The following BAP1 variants were observed in gnomAD, a reference collection of about 807,000 sequenced individuals.
BAP1 encodes ubiquitin carboxyl-terminal hydrolase BAP1.
Under a neutral mutation model 77.2 loss-of-function variants are expected in BAP1, and 16 were observed. That is an observed-to-expected ratio of 0.21 (90% CI 0.14 to 0.31). The LOEUF (loss-of-function observed/expected upper bound fraction) is 0.31. Ranked by LOEUF, BAP1 falls within the 10% of genes least tolerant of loss-of-function variation. BAP1 has a pLI of 1.00. For synonymous variants in BAP1, 362 were observed against 385.2 expected (o/e 0.94, Z 0.71); for missense variants, 699 against 967.3 (o/e 0.72, Z 3.68).
At position 52,403,631 on chromosome 3, in the gene BAP1, G is replaced by A. The variant is rs1322319973; in HGVS notation, c.1514C>T (p.Ser505Leu). 1.9e-6 allele frequency: 3 copies of A among 1,614,024 alleles called. No individual in the cohort carries two copies. The highest frequency in any genetic ancestry group is 1.7e-5 in the Admixed American group (1 of 60,016). Residue 505 changes from serine to leucine, a missense_variant, in exon 13 of 17, where the codon TCG becomes TTG. By Grantham distance (145) the Ser-to-Leu change is moderately radical (BLOSUM62 -2). Around this residue, in one of 3 missense-constraint regions of BAP1, gnomAD observed 475 missense variants for 532.4 expected, o/e 0.89. Transcript: ENST00000460680. The surrounding 1 kb of genome is among the most constrained non-coding windows in gnomAD (Gnocchi z 4.0). ...TASEIGSAFN[S>L]PLRSPIRSAN... is the part of the protein sequence containing the mutation. ...TGAGCGGATAGGCGAGCGCAGTGGCGAGTTGAAAGCACTGCCGATCTCAGA... is the reference window on the plus strand; with the variant it reads ...TGAGCGGATAGGCGAGCGCAGTGGCAAGTTGAAAGCACTGCCGATCTCAGA...
In BAP1 at chr3:52,405,279, GCCT is replaced by G; in HGVS notation, c.944_946del (p.Glu315del). On this transcript the variant is annotated inframe_deletion, in exon 11 of 17. Coordinates refer to ENST00000460680, the MANE Select transcript of BAP1 (RefSeq NM_004656.4). ...TGGGGCTTGTGCGCATGAACCAGCC[GCCT>G]CCTCTGCACCATCTGAGACAGGGCA... 1 of 1,613,664 alleles carries G rather than the reference GCCT, an allele frequency of 6.2e-7. No individual in the cohort carries two copies. The highest frequency in any genetic ancestry group is 8.5e-7 in the Non-Finnish European group (1 of 1,180,000).
In BAP1 at chr3:52,406,017, C is replaced by T. The variant is rs1705145442; in HGVS notation, c.784-105G>A. 6.5e-7 allele frequency: 1 copy of T among 1,549,512 alleles called. No homozygotes were observed. The highest frequency in any genetic ancestry group is 8.8e-7 in the Non-Finnish European group (1 of 1,138,706). ...AAGGAATAATGGCCTTGGCTCTACC[C>T]ATTCACTCACAGGGAAATAAAACAC... On this transcript the variant is annotated intron_variant, in intron 9 of 16. Transcript: ENST00000460680. This position sits in a 1 kb window ranked among gnomAD's most constrained non-coding sequence, Gnocchi z 4.6.
Position 52,403,704 on chromosome 3 carries a change from G to A in BAP1, c.1441C>T (p.His481Tyr), listed in dbSNP as rs764816701. The change falls in exon 13 of 17, where the codon CAC becomes TAC. Residue 481 changes from histidine (H) to tyrosine (Y), a missense_variant. His to Tyr is a moderately conservative substitution (Grantham distance 83). Around this residue, in one of 3 missense-constraint regions of BAP1, gnomAD observed 475 missense variants for 532.4 expected, o/e 0.89. Coordinates refer to ENST00000460680, the MANE Select transcript of BAP1 (RefSeq NM_004656.4). The surrounding 1 kb of genome is among the most constrained non-coding windows in gnomAD (Gnocchi z 4.0). Reference protein sequence around the residue: ...AGSPAVAVPTHSQPSPTPSNE... With the variant: ...AGSPAVAVPTYSQPSPTPSNE... The stretch of plus-strand genomic sequence containing the variant: ...CTGGGGGTGGGTGAGGGCTGCGAGT[G>A]TGTGGGCACTGCCACAGCCGGACTC... 4 of 1,614,052 alleles carry A rather than the reference G, an allele frequency of 2.5e-6. No individual in the cohort carries two copies. Among genetic ancestry groups the A allele is most frequent in the Non-Finnish European group, 3.4e-6 (4 of 1,180,002 alleles).
In BAP1 at chr3:52,403,569, G is replaced by T. The variant is rs1553644875; in HGVS notation, c.1576C>A (p.His526Asn). The T allele has an allele frequency of 1.2e-6, 2 of 1,614,022 alleles. No homozygotes were observed. Among genetic ancestry groups the T allele is most frequent in the African/African-American group, 2.7e-5 (2 of 74,944 alleles). The change falls in exon 13 of 17, where the codon CAC becomes AAC. Residue 526 changes from histidine to asparagine, a missense_variant. Transcript: ENST00000460680. This position sits in a 1 kb window ranked among gnomAD's most constrained non-coding sequence, Gnocchi z 4.0. ...PTRPSSPVTS[H>N]ISKVLFGEDD... ...TCTCCAAAAAGCACCTTGGAGATGTGGGAGGTGACAGGGCTGGAGGGCCGC... is the reference window on the plus strand; with the variant it reads ...TCTCCAAAAAGCACCTTGGAGATGTTGGAGGTGACAGGGCTGGAGGGCCGC...
At position 52,407,479 on chromosome 3, in the gene BAP1, G is replaced by T. The variant is rs775474716; in HGVS notation, c.376-19C>A. On this transcript the variant is annotated intron_variant, in intron 5 of 16. Coordinates refer to ENST00000460680, the MANE Select transcript of BAP1 (RefSeq NM_004656.4). ...CTTTGCTCTACGGGGAAGAAAATAAGGCCGTATCAGAATAATTTCTCCTCA... is the reference window on the plus strand; with the variant it reads ...CTTTGCTCTACGGGGAAGAAAATAATGCCGTATCAGAATAATTTCTCCTCA... 1.9e-6 allele frequency: 3 copies of T among 1,614,020 alleles called. No individual in the cohort carries two copies. Among genetic ancestry groups the T allele is most frequent in the African/African-American group, 1.3e-5 (1 of 74,918 alleles).
intron 3 of BAP1, 133 bp from the exon 4 acceptor site, chr3:52,408,739 G>A (rs1268718624): frequency 3.3e-5 from 39 of 1,186,268 alleles, no homozygotes; most frequent in Non-Finnish European, 4.4e-5. Context: ...CTCTCCCCTG[G>A]CTTCTTCCCA....
Position 52,401,272 on chromosome 3 carries a change from G to C in BAP1, c.*1016C>G. The C allele has an allele frequency of 4.3e-6, 1 of 233,364 alleles. No individual in the cohort carries two copies. The highest frequency in any genetic ancestry group is 8.5e-6 in the Non-Finnish European group (1 of 117,942). 14.5% of individuals were successfully genotyped at this position (233,364 alleles called of 1,614,324 possible). ...TTGGCATCAGGTCCTCTGGAACACA[G>C]GGGCTCCAACGGGTTGTCTTGATCC... On this transcript the variant is annotated 3_prime_UTR_variant, in exon 17 of 17. Transcript: ENST00000460680.
At position 52,406,544 on chromosome 3, in the gene BAP1, G is replaced by T; in HGVS notation, c.660-168C>A. 1 of 1,100,724 alleles carries T rather than the reference G, an allele frequency of 9.1e-7. No individual in the cohort carries two copies. Among genetic ancestry groups the T allele is most frequent in the Non-Finnish European group, 1.3e-6 (1 of 758,524 alleles). The allele number at this position is 1,100,724 out of a possible 1,614,324, so 68.2% of individuals were successfully genotyped here. A position where few individuals can be genotyped will look rare whatever the true frequency, so the allele number is the denominator to read the frequency against. On this transcript the variant is annotated intron_variant, in intron 8 of 16. Coordinates refer to ENST00000460680, the MANE Select transcript of BAP1 (RefSeq NM_004656.4). The surrounding 1 kb of genome is among the most constrained non-coding windows in gnomAD (Gnocchi z 4.6). The stretch of plus-strand genomic sequence containing the variant: ...CCATACATGCCAGGCACCTGAGCTG[G>T]TACCTTCCAACAAGCTGTATGAGGG...
rs1420393402 is a variant in BAP1 at position 52,402,156 on chromosome 3, T to A, written c.*132A>T. The stretch of plus-strand genomic sequence containing the variant: ...GATGGAAGGAATGTGGCCTGGTTCC[T>A]CCCATTCCCAGGGCCTGGACTCTCC... On this transcript the variant is annotated 3_prime_UTR_variant, in exon 17 of 17. Transcript: ENST00000460680. The surrounding 1 kb of genome is among the most constrained non-coding windows in gnomAD (Gnocchi z 5.3). 2.0e-5 allele frequency: 29 copies of A among 1,428,936 alleles called. No homozygotes were observed. Among genetic ancestry groups the A allele is most frequent in the Non-Finnish European group, 1.9e-6 (2 of 1,059,926 alleles). The allele number at this position is 1,428,936 out of a possible 1,614,324, so 88.5% of individuals were successfully genotyped here. A position where few individuals can be genotyped will look rare whatever the true frequency, so the allele number is the denominator to read the frequency against.
Position 52,402,031 on chromosome 3 carries a change from C to T in BAP1, c.*257G>A. On this transcript the variant is annotated 3_prime_UTR_variant, in exon 17 of 17. Coordinates refer to ENST00000460680, the MANE Select transcript of BAP1 (RefSeq NM_004656.4). This position sits in a 1 kb window ranked among gnomAD's most constrained non-coding sequence, Gnocchi z 5.3. ...AGGGCCAGGTCCTGCTGCTCCACAG[C>T]CGGCTGTGGAGGAAGCTGCAGTACC... 1.7e-6 allele frequency: 1 copy of T among 603,788 alleles called. No homozygotes were observed. The highest frequency in any genetic ancestry group is 2.9e-6 in the Non-Finnish European group (1 of 346,072). 37.4% of individuals were successfully genotyped at this position (603,788 alleles called of 1,614,324 possible). A position where few individuals can be genotyped will look rare whatever the true frequency, so the allele number is the denominator to read the frequency against.
At position 52,405,187 on chromosome 3, in the gene BAP1, G is replaced by C. The variant is rs954286843; in HGVS notation, c.1039C>G (p.His347Asp). The change falls in exon 11 of 17, where the codon CAC becomes GAC. Residue 347 changes from histidine (H) to aspartate (D), a missense_variant. Physicochemically the swap from His to Asp is moderately conservative, Grantham distance 81. Around this residue, in one of 3 missense-constraint regions of BAP1, gnomAD observed 475 missense variants for 532.4 expected, o/e 0.89. Coordinates refer to ENST00000460680, the MANE Select transcript of BAP1 (RefSeq NM_004656.4). ...KPPGSSLNGV[H>D]PNPTPIVQRL... ...TGGACAATGGGAGTGGGGTTGGGGT[G>C]AACCCCATTGAGGCTGCTGCCTGGA... 3 of 1,614,106 alleles carry C rather than the reference G, an allele frequency of 1.9e-6. No individual in the cohort carries two copies. Among genetic ancestry groups the C allele is most frequent in the Non-Finnish European group, 2.5e-6 (3 of 1,180,018 alleles).
rs1386918234 is a variant in BAP1, at chr3:52,402,187, G to A, written c.*101C>T. On this transcript the variant is annotated 3_prime_UTR_variant, in exon 17 of 17. Transcript: ENST00000460680. This position sits in a 1 kb window ranked among gnomAD's most constrained non-coding sequence, Gnocchi z 5.3. ...TCCCAGGGCCTGGACTCTCCAGCTG[G>A]GACTATTCAGTAATACTGGGAAAAG... 4 of 1,521,896 alleles carry A rather than the reference G, an allele frequency of 2.6e-6. No individual in the cohort carries two copies. The highest frequency in any genetic ancestry group is 2.4e-5 in the East Asian group (1 of 41,504). The allele number at this position is 1,521,896 out of a possible 1,614,324, so 94.3% of individuals were successfully genotyped here. A position where few individuals can be genotyped will look rare whatever the true frequency, so the allele number is the denominator to read the frequency against.
intron 11 of BAP1, 132 bp from the exon 12 acceptor site, chr3:52,404,718 G>T: frequency 1.5e-6 from 2 of 1,357,484 alleles, no homozygotes; most frequent in Non-Finnish European, 2.0e-6. Flanking sequence ...CTGTTCCATG[G>T]CCTGTCCTTG....
At chr3:52,405,001 G>A in intron 11 of BAP1, 109 bp downstream of exon 11, 1 of 1,481,486 alleles carries the variant, frequency 6.7e-7, no homozygotes, top group Non-Finnish European at 9.4e-7. Flanking sequence ...CAGGCAGCTT[G>A]ACCCAGCCAT....
In BAP1 at chr3:52,408,607, C is replaced by T. The variant is rs1060503732; in HGVS notation, c.123-1G>A. ...CAGGAAGATAAATCCATATACAGGG[C>T]TGGGGGAAGTAAGGGGCAGAGCCAG... is the stretch of plus-strand genomic sequence containing the variant. On this transcript the variant is annotated splice_acceptor_variant, in intron 3 of 16. Transcript: ENST00000460680. LOFTEE classifies it high-confidence loss of function. 6.2e-7 allele frequency: 1 copy of T among 1,608,756 alleles called. No individual in the cohort carries two copies. The highest frequency in any genetic ancestry group is 8.5e-7 in the Non-Finnish European group (1 of 1,177,714).
At chr3:52,405,385 A>G (rs1228380624) in intron 10 of BAP1, 91 bp from the exon 11 acceptor site, 45 of 1,500,200 alleles carry the variant, frequency 3.0e-5, no homozygotes, top group African/African-American at 2.8e-5. Context: ...AGCACTTCCC[A>G]GAGAAGAACA....
chr3:52,406,468 C>T lies in BAP1; in HGVS notation c.660-92G>A, dbSNP rs2153227558. On this transcript the variant is annotated intron_variant, in intron 8 of 16. Transcript: ENST00000460680. This position sits in a 1 kb window ranked among gnomAD's most constrained non-coding sequence, Gnocchi z 4.6. ...ATCCTGGCAGGGCTCCCTGCAGTCA[C>T]ACCTGCAGCTGTAGGTATAGGCCCC... 2 of 1,576,466 alleles carry T rather than the reference C, an allele frequency of 1.3e-6. No homozygotes were observed. Among genetic ancestry groups the T allele is most frequent in the Non-Finnish European group, 1.7e-6 (2 of 1,163,092 alleles).
At chr3:52,408,843 T>A (rs138884499) in intron 3 of BAP1, among the ~76,000 whole-genome samples, 4 of 152,018 alleles carry the variant, frequency 2.6e-5, no homozygotes, top group African/African-American at 9.7e-5. Context: ...GCTCCAGGAG[T>A]CCACCCAGTC....
chr3:52,405,390 A>G, intron 10 of BAP1, 96 bp from the exon 11 acceptor site: 2 of 1,480,354 alleles, frequency 1.4e-6, no homozygotes, highest in Non-Finnish European at 1.9e-6. Context: ...TTCCCAGAGA[A>G]GAACAGCCCA....
Sources: allele counts gnomAD v4.1 joint callset (sites outside exome capture counted in the v4.1 genomes callset), GRCh38; gene constraint gnomAD v4.1.1; regional missense constraint gnomAD v4.1.1; non-coding constraint Gnocchi (gnomAD v3.1); transcripts MANE v1.5; gene names NCBI Gene and HGNC (gene_info 2026-07-23, HGNC 2026-07-21).